Variants in C17orf50 observed in about 807,000 individuals in gnomAD.
The protein encoded by C17orf50 is uncharacterized protein C17orf50.
In C17orf50, 16 loss-of-function variants were observed where a neutral mutation model predicts 17.7. The observed-to-expected ratio is 0.90, with a 90% CI of 0.61 to 1.37. The LOEUF is 1.37. C17orf50 is among the 40% of genes most tolerant of loss of function. The pLI is 0.00. For missense variants in C17orf50, 271 were observed against 240.7 expected (o/e 1.13, Z -0.83); for synonymous variants, 125 against 111.0 (o/e 1.13, Z -0.80).
rs1345689085 is a variant in C17orf50 at position 35,764,984 on chromosome 17, T to C, written c.*366T>C. 3 of 156,438 alleles carry C rather than the reference T, an allele frequency of 1.9e-5. No homozygotes were observed. Among genetic ancestry groups the C allele is most frequent in the African/African-American group, 4.8e-5 (2 of 41,560 alleles). 9.7% of individuals were successfully genotyped at this position (156,438 alleles called of 1,614,324 possible). ...CGCTCTGGCCCAGTGGGCAGAGGCA[T>C]CGCCTAGAGAAAATAACCTCAGGGT... On this transcript the variant is annotated 3_prime_UTR_variant, in exon 3 of 3. Coordinates refer to ENST00000605587, the MANE Select transcript of C17orf50 (RefSeq NM_145272.4).
In C17orf50 at chr17:35,764,538, CACA is replaced by C; in HGVS notation, c.446_448del (p.His149_Ser150delinsArg). ...CTTCTGCAAGAAATGCAGGAGTCTGCACAGCCACCCAGCCTATGTGGCGCACTG... is the reference window on the plus strand; with the variant it reads ...CTTCTGCAAGAAATGCAGGAGTCTGCGCCACCCAGCCTATGTGGCGCACTG... On this transcript the variant is annotated inframe_deletion, in exon 3 of 3. Transcript: ENST00000605587. 1 of 1,597,522 alleles carries C rather than the reference CACA, an allele frequency of 6.3e-7. No homozygotes were observed. Among genetic ancestry groups the C allele is most frequent in the Non-Finnish European group, 8.5e-7 (1 of 1,174,644 alleles).
At chr17:35,763,825 A>G in intron 1 of C17orf50, 182 bp from the exon 2 acceptor site, 1 of 389,290 alleles carries the variant, frequency 2.6e-6, no homozygotes, top group Non-Finnish European at 4.1e-6. Context: ...TGAGCCCGTG[A>G]GGCGGAGGTT....
intron 1 of C17orf50, among the ~76,000 whole-genome samples, chr17:35,763,281 C>A (rs587681034): frequency 7.8e-4 from 118 of 151,602 alleles, no homozygotes; most frequent in African/African-American, 2.5e-3. Flanking sequence ...AAAAAAAAAT[C>A]TTTTTTAATT....
rs782652981 is a variant in C17orf50 at position 35,764,428 on chromosome 17, A to G, written c.335A>G (p.Lys112Arg). The G allele has an allele frequency of 9.1e-6, 14 of 1,536,968 alleles. No individual in the cohort carries two copies. The South Asian group carries it at 1.7e-4, about 19-fold the overall frequency. ...LGGLTAPTDR[K>R]RSLPEEPCVL... The stretch of plus-strand genomic sequence containing the variant: ...GAGCGCCTGGTCCCCGCCGGCAGGA[A>G]GCGGAGCCTCCCGGAGGAGCCGTGC... The change falls in exon 3 of 3, where the codon AAG (lysine) becomes AGG (arginine). Residue 112 changes from lysine (K) to arginine (R), a missense_variant and splice_region_variant. Transcript: ENST00000605587.
At chr17:35,762,709 T>C (rs982044324) in intron 1 of C17orf50, among the ~76,000 whole-genome samples, 4 of 152,144 alleles carry the variant, frequency 2.6e-5, no homozygotes, top group African/African-American at 9.7e-5. Flanking sequence ...ACAGAGGTGC[T>C]GTAAGCCCAC....
chr17:35,764,807 A>G lies in C17orf50; in HGVS notation c.*189A>G, dbSNP rs2143122300. 3.3e-6 allele frequency: 2 copies of G among 602,886 alleles called. No homozygotes were observed. Among genetic ancestry groups the G allele is most frequent in the Admixed American group, 8.3e-5 (2 of 24,116 alleles). The allele number at this position is 602,886 out of a possible 1,614,324, so 37.3% of individuals were successfully genotyped here. On this transcript the variant is annotated 3_prime_UTR_variant, in exon 3 of 3. Transcript: ENST00000605587. ...GGTGCTTGGTTCCCATCTGTCACCT[A>G]GCGCCCCCAGTGCAGAGCCCAGCAT...
rs782565726 is a variant in C17orf50 at position 35,764,031 on chromosome 17, A to G, written c.38A>G (p.Lys13Arg). The G allele has an allele frequency of 2.8e-5, 43 of 1,546,242 alleles. No individual in the cohort carries two copies. The highest frequency in any genetic ancestry group is 3.6e-5 in the Non-Finnish European group (41 of 1,144,304). Residue 13 changes from lysine to arginine, a missense_variant, in exon 2 of 3, where the codon AAG becomes AGG. Physicochemically the swap from Lys to Arg is conservative, Grantham distance 26 (BLOSUM62 2). Coordinates refer to ENST00000605587, the MANE Select transcript of C17orf50 (RefSeq NM_145272.4). ...GGTGTGAAGACCCCCTTGTGGAAGA[A>G]GGAAACGGAAGAGCTCCGGGCCGAG... ...KHGVKTPLWKKETEELRAEDA... is the reference protein window; with the variant it reads ...KHGVKTPLWKRETEELRAEDA...
In C17orf50 at chr17:35,764,867, G is replaced by A; in HGVS notation, c.*249G>A. ...CCCGCTGTCAACAGCGCCCACCGAG[G>A]GCTCCCCGCCCCCACGCAGCACCAG... On this transcript the variant is annotated 3_prime_UTR_variant, in exon 3 of 3. Transcript: ENST00000605587. 2.9e-6 allele frequency: 1 copy of A among 343,960 alleles called. No homozygotes were observed. The highest frequency in any genetic ancestry group is 5.2e-6 in the Non-Finnish European group (1 of 191,206). The allele number at this position is 343,960 out of a possible 1,614,324, so 21.3% of individuals were successfully genotyped here.
chr17:35,764,314 T>C lies in C17orf50; in HGVS notation c.321T>C (p.Ala107=). 8 of 1,480,268 alleles carry C rather than the reference T, an allele frequency of 5.4e-6. No homozygotes were observed. Among genetic ancestry groups the C allele is most frequent in the Non-Finnish European group, 7.1e-6 (8 of 1,121,148 alleles). 91.7% of individuals were successfully genotyped at this position (1,480,268 alleles called of 1,614,324 possible). ...TAGCGCTGCTGGGCGGCCTAACAGC[T>C]CCCACCGACAGGTGCCTGCGCGCTC... ...GPLALLGGLT[A]PTDRKRSLPE... is the part of the protein sequence containing the mutation. The change falls in exon 2 of 3, where the codon GCT becomes GCC. Residue 107 remains alanine (A), a synonymous_variant. Coordinates refer to ENST00000605587, the MANE Select transcript of C17orf50 (RefSeq NM_145272.4).
In C17orf50 at chr17:35,764,119, G is replaced by A. The variant is rs782590163; in HGVS notation, c.126G>A (p.Pro42=). ...SEDEDEDNQR[P]LEDSATEGEE... ...ACGAGGACGAGGACAACCAGAGGCC[G>A]CTGGAGGACAGCGCGACGGAGGGCG... is the stretch of plus-strand genomic sequence containing the variant. Residue 42 remains proline (P), a synonymous_variant, in exon 2 of 3, where the codon CCG becomes CCA. Coordinates refer to ENST00000605587, the MANE Select transcript of C17orf50 (RefSeq NM_145272.4). 8 of 1,549,934 alleles carry A rather than the reference G, an allele frequency of 5.2e-6. No individual in the cohort carries two copies. Among genetic ancestry groups the A allele is most frequent in the Non-Finnish European group, 7.0e-6 (8 of 1,146,862 alleles).
Position 35,764,657 on chromosome 17 carries a change from C to A in C17orf50, c.*39C>A. ...CAGCCTTTGTGCCCTCCATCATTTC[C>A]TGGCCCCAGACCCCCTACCGACCTT... On this transcript the variant is annotated 3_prime_UTR_variant, in exon 3 of 3. Coordinates refer to ENST00000605587, the MANE Select transcript of C17orf50 (RefSeq NM_145272.4). 1.3e-6 allele frequency: 2 copies of A among 1,531,574 alleles called. No homozygotes were observed. Among genetic ancestry groups the A allele is most frequent in the South Asian group, 2.5e-5 (2 of 80,070 alleles). The allele number at this position is 1,531,574 out of a possible 1,614,324, so 94.9% of individuals were successfully genotyped here. A position where few individuals can be genotyped will look rare whatever the true frequency, so the allele number is the denominator to read the frequency against.
chr17:35,762,177 A>G (rs1555601668), intron 1 of C17orf50, among the ~76,000 whole-genome samples: 2 of 151,848 alleles, frequency 1.3e-5, no homozygotes, highest in Non-Finnish European at 2.9e-5. Context: ...TTTAGTAGAG[A>G]CGGGGTTTCT....
At chr17:35,763,520 A>C (rs1303372116) in intron 1 of C17orf50, among the ~76,000 whole-genome samples, 1 of 148,942 alleles carries the variant, frequency 6.7e-6, no homozygotes, top group Non-Finnish European at 1.5e-5. Context: ...TCTTGAGCTC[A>C]AGCCATCCAC....
Position 35,764,309 on chromosome 17 carries a change from A to G in C17orf50, c.316A>G (p.Thr106Ala). Residue 106 changes from threonine (T) to alanine (A), a missense_variant, in exon 2 of 3, where the codon ACA (threonine) becomes GCA (alanine). By Grantham distance (58) the Thr-to-Ala change is moderately conservative (BLOSUM62 0). Coordinates refer to ENST00000605587, the MANE Select transcript of C17orf50 (RefSeq NM_145272.4). Reference protein sequence around the residue: ...LGPLALLGGLTAPTDRKRSLP... With the variant: ...LGPLALLGGLAAPTDRKRSLP... The stretch of plus-strand genomic sequence containing the variant: ...CCCCTTAGCGCTGCTGGGCGGCCTA[A>G]CAGCTCCCACCGACAGGTGCCTGCG... The G allele has an allele frequency of 6.7e-7, 1 of 1,492,982 alleles. No individual in the cohort carries two copies. Among genetic ancestry groups the G allele is most frequent in the Non-Finnish European group, 8.9e-7 (1 of 1,126,206 alleles). The allele number at this position is 1,492,982 out of a possible 1,614,324, so 92.5% of individuals were successfully genotyped here. A position where few individuals can be genotyped will look rare whatever the true frequency, so the allele number is the denominator to read the frequency against.
At chr17:35,763,047 G>A (rs1484713767) in intron 1 of C17orf50, among the ~76,000 whole-genome samples, 1 of 151,604 alleles carries the variant, frequency 6.6e-6, no homozygotes, top group Non-Finnish European at 1.5e-5. Flanking sequence ...GCGTGAACCC[G>A]GCAGGTGGAG....
chr17:35,763,778 T>C (rs1240855012), intron 1 of C17orf50, among the ~76,000 whole-genome samples: 1 of 151,832 alleles, frequency 6.6e-6, no homozygotes, highest in Non-Finnish European at 1.5e-5. Context: ...GTGCCTGTAG[T>C]CCCAGCTACT....
In C17orf50 at chr17:35,764,319, C is replaced by T. The variant is rs1381279170; in HGVS notation, c.326C>T (p.Thr109Ile). 1.4e-6 allele frequency: 2 copies of T among 1,477,730 alleles called. No homozygotes were observed. Among genetic ancestry groups the T allele is most frequent in the Non-Finnish European group, 1.8e-6 (2 of 1,120,054 alleles). 91.5% of individuals were successfully genotyped at this position (1,477,730 alleles called of 1,614,324 possible). ...CTGCTGGGCGGCCTAACAGCTCCCACCGACAGGTGCCTGCGCGCTCCTCGA... is the reference window on the plus strand; with the variant it reads ...CTGCTGGGCGGCCTAACAGCTCCCATCGACAGGTGCCTGCGCGCTCCTCGA... ...LALLGGLTAP[T>I]DRKRSLPEEP... is the part of the protein sequence containing the mutation. Residue 109 changes from threonine to isoleucine, a missense_variant, in exon 2 of 3, where the codon ACC becomes ATC. By Grantham distance (89) the Thr-to-Ile change is moderately conservative. Transcript: ENST00000605587.
Position 35,764,755 on chromosome 17 carries a change from C to T in C17orf50, c.*137C>T. On this transcript the variant is annotated 3_prime_UTR_variant, in exon 3 of 3. Transcript: ENST00000605587. ...CCTTCTCAGCTGCTGCCCAGAGCGC[C>T]CCCATCCGTCAAGAAGGCCCACTGT... 1 of 986,396 alleles carries T rather than the reference C, an allele frequency of 1.0e-6. No homozygotes were observed. Among genetic ancestry groups the T allele is most frequent in the Non-Finnish European group, 1.4e-6 (1 of 710,064 alleles). 61.1% of individuals were successfully genotyped at this position (986,396 alleles called of 1,614,324 possible).
rs782005643 is a variant in C17orf50 at position 35,763,438 on chromosome 17, CTT to C, written c.14-548_14-547del. On this transcript the variant is annotated intron_variant, in intron 1 of 2. Coordinates refer to ENST00000605587, the MANE Select transcript of C17orf50 (RefSeq NM_145272.4). ...CACAGGTGTACACCACCATGCCCAG[CTT>C]TTTTTTTTTTTTTTTTTTTTGGAGC... Among the ~76,000 whole-genome samples the C allele has an allele frequency of 8.9e-3, 901 of 101,470 alleles. 12 individuals carry two copies. Among genetic ancestry groups the C allele is most frequent in the African/African-American group, 0.034 (841 of 25,022 alleles). The allele number at this position is 101,470 out of a possible 152,430, so 66.6% of individuals were successfully genotyped here.
Sources: gnomAD v4.1 joint callset for allele counts (sites outside exome capture counted in the v4.1 genomes callset) on GRCh38, gnomAD v4.1.1 for gene constraint, MANE v1.5 for transcripts, NCBI Gene and HGNC (gene_info 2026-07-23, HGNC 2026-07-21) for gene names.